COMMD10: variants seen among roughly 807,000 people sequenced by gnomAD.
COMMD10 encodes COMM domain containing 10.
A neutral mutation model predicts 28.9 loss-of-function variants in COMMD10; 33 were observed. That is an observed-to-expected ratio of 1.14 (90% CI 0.87 to 1.53). The LOEUF (loss-of-function observed/expected upper bound fraction) is 1.53. COMMD10 is among the 40% of genes most tolerant of loss of function. The probability of loss-of-function intolerance (pLI) is 0.00; values close to 1 mark genes in which losing one functional copy is unlikely to be tolerated. For synonymous variants in COMMD10, 110 were observed against 81.7 expected (o/e 1.35, Z -1.87); for missense variants, 310 against 233.4 (o/e 1.33, Z -2.14).
At chr5:116,229,069 C>A (rs746703339) in intron 5 of COMMD10, among the ~76,000 whole-genome samples, 1 of 151,978 alleles carries the variant, frequency 6.6e-6, no homozygotes, top group African/African-American at 2.4e-5. Flanking sequence ...TTCGTCTTTA[C>A]ATTTAGGCAT....
At chr5:116,208,499 A>G (rs1411805136) in intron 5 of COMMD10, among the ~76,000 whole-genome samples, 4 of 152,110 alleles carry the variant, frequency 2.6e-5, no homozygotes, top group Non-Finnish European at 5.9e-5. Context: ...TGGATTATTT[A>G]TTTGAATTCT....
At chr5:116,262,978 A>G (rs1276026442) in intron 5 of COMMD10, among the ~76,000 whole-genome samples, 1 of 151,824 alleles carries the variant, frequency 6.6e-6, no homozygotes, top group Non-Finnish European at 1.5e-5. Context: ...ACAAAGGGAA[A>G]ACATGAAATT....
chr5:116,208,876 G>A (rs760387746), intron 5 of COMMD10, among the ~76,000 whole-genome samples: 3 of 152,276 alleles, frequency 2.0e-5, no homozygotes, highest in Admixed American at 1.3e-4. Context: ...AGTTACTGCT[G>A]TGTATTTATG....
intron 5 of COMMD10, among the ~76,000 whole-genome samples, chr5:116,234,417 G>C (rs899915761): frequency 1.3e-5 from 2 of 152,114 alleles, no homozygotes; most frequent in African/African-American, 4.8e-5. Context: ...ATAATTATTA[G>C]CACAAGGTCA....
At chr5:116,088,853 C>G (rs905639211) in intron 2 of COMMD10, among the ~76,000 whole-genome samples, 4 of 152,168 alleles carry the variant, frequency 2.6e-5, no homozygotes, top group Non-Finnish European at 4.4e-5. Context: ...AGCAGGCAAC[C>G]AAATCCCCAA....
At chr5:116,254,765 G>T (rs555874402) in intron 5 of COMMD10, among the ~76,000 whole-genome samples, 1 of 151,746 alleles carries the variant, frequency 6.6e-6, no homozygotes, top group Admixed American at 6.6e-5. Flanking sequence ...TGACAAAAAT[G>T]TATATTCTGT....
chr5:116,179,125 GT>G (rs569167729), intron 5 of COMMD10, among the ~76,000 whole-genome samples: 124 of 152,128 alleles, frequency 8.2e-4, no homozygotes, highest in African/African-American at 2.8e-3. Context: ...TGCTTGCTGA[GT>G]TTGCAAAAAT....
rs1750454290 is a variant in COMMD10, at chr5:116,095,962, A to G, written c.399+3262A>G. On this transcript the variant is annotated intron_variant, in intron 4 of 6. Coordinates refer to ENST00000274458, the MANE Select transcript of COMMD10 (RefSeq NM_016144.4). Reference sequence around the variant, plus strand: ...TTTTCTGGAATCTCTCTTTGATTTCATTGACTTATTTGTCTATGCCAATAT... The same window carrying G: ...TTTTCTGGAATCTCTCTTTGATTTCGTTGACTTATTTGTCTATGCCAATAT... 2.0e-5 allele frequency among the ~76,000 whole-genome samples: 3 copies of G among 152,202 alleles called. No individual in the cohort carries two copies. In the South Asian group the frequency reaches 6.2e-4, roughly 31 times the overall value.
intron 5 of COMMD10, among the ~76,000 whole-genome samples, chr5:116,158,064 T>C (rs1367105983): frequency 6.6e-6 from 1 of 151,432 alleles, no homozygotes; most frequent in East Asian, 2.0e-4. Context: ...CTGTAAATCA[T>C]GACTTGTTAA....
chr5:116,250,493 A>G (rs1329202121), intron 5 of COMMD10, among the ~76,000 whole-genome samples: 2 of 151,638 alleles, frequency 1.3e-5, no homozygotes, highest in Non-Finnish European at 2.9e-5. Context: ...AAAAAATTCT[A>G]TTTGATTGAA....
At chr5:116,182,180 G>T (rs1317193925) in intron 5 of COMMD10, among the ~76,000 whole-genome samples, 6 of 152,054 alleles carry the variant, frequency 3.9e-5, no homozygotes, top group African/African-American at 1.4e-4. Flanking sequence ...CATTATTCAA[G>T]CAGACAATTG....
intron 5 of COMMD10, among the ~76,000 whole-genome samples, chr5:116,189,952 G>T (rs1010163393): frequency 6.6e-6 from 1 of 152,206 alleles, no homozygotes; most frequent in Middle Eastern, 3.4e-3. Context: ...ATTTTTCTTT[G>T]AAGAATCTTT....
At chr5:116,102,631 G>A (rs1460446969) in intron 4 of COMMD10, among the ~76,000 whole-genome samples, 1 of 152,142 alleles carries the variant, frequency 6.6e-6, no homozygotes. Flanking sequence ...CATTGAATCT[G>A]TAGATTGCTT....
chr5:116,187,328 T>C (rs1368002608), intron 5 of COMMD10, among the ~76,000 whole-genome samples: 2 of 152,124 alleles, frequency 1.3e-5, no homozygotes, highest in African/African-American at 4.8e-5. Flanking sequence ...GCAGTGGCAG[T>C]GTATTTGTTT....
intron 1 of COMMD10, 174 bp downstream of exon 1, chr5:116,085,267 C>G (rs925862233): frequency 1.7e-5 from 10 of 600,946 alleles, no homozygotes. Flanking sequence ...TGCGTGGGGC[C>G]GTGTAGCGCC....
intron 4 of COMMD10, among the ~76,000 whole-genome samples, chr5:116,124,602 G>A (rs1283471567): frequency 1.3e-5 from 2 of 152,166 alleles, no homozygotes; most frequent in African/African-American, 4.8e-5. Flanking sequence ...ATGCAGAGCT[G>A]AGTTGAAGTC....
intron 5 of COMMD10, among the ~76,000 whole-genome samples, chr5:116,146,861 T>C (rs1217239358): frequency 1.3e-5 from 2 of 151,934 alleles, no homozygotes; most frequent in Non-Finnish European, 2.9e-5. Context: ...GATTATTCTA[T>C]TAAGTTTTCA....
intron 5 of COMMD10, among the ~76,000 whole-genome samples, chr5:116,202,105 C>T (rs981972377): frequency 1.4e-5 from 2 of 145,902 alleles, no homozygotes; most frequent in African/African-American, 5.1e-5. Flanking sequence ...TCTCATTGTT[C>T]AATTCCCACC....
At position 116,292,881 on chromosome 5, in the gene COMMD10, G is replaced by C; in HGVS notation, c.*392G>C. 2.5e-6 allele frequency: 1 copy of C among 394,328 alleles called. No individual in the cohort carries two copies. Among genetic ancestry groups the C allele is most frequent in the Non-Finnish European group, 4.5e-6 (1 of 223,680 alleles). 24.4% of individuals were successfully genotyped at this position (394,328 alleles called of 1,614,324 possible). On this transcript the variant is annotated 3_prime_UTR_variant, in exon 7 of 7. Coordinates refer to ENST00000274458, the MANE Select transcript of COMMD10 (RefSeq NM_016144.4). The stretch of plus-strand genomic sequence containing the variant: ...GATGTGTACCTTAGTAGAATACAGA[G>C]CTTTGGTAATTACATGAATAAAATT...
Sources: allele counts gnomAD v4.1 joint callset (sites outside exome capture counted in the v4.1 genomes callset), GRCh38; gene constraint gnomAD v4.1.1; transcripts MANE v1.5; gene names NCBI Gene and HGNC (gene_info 2026-07-23, HGNC 2026-07-21).